Variants in GAS2 observed in about 807,000 individuals in gnomAD.
GAS2 encodes the protein growth arrest specific 2.
In GAS2, 20 loss-of-function variants were observed where a neutral mutation model predicts 37.5. That is an observed-to-expected ratio of 0.53 (90% confidence interval 0.37 to 0.77). GAS2 has a LOEUF of 0.77. Among genes scored for constraint, GAS2 ranks in the 30% least tolerant of loss-of-function variants. The pLI, the probability that GAS2 is intolerant of heterozygous loss-of-function variation, is 0.00. For synonymous variants in GAS2, 144 were observed against 132.2 expected, an observed-to-expected ratio of 1.09 and a Z score of -0.61; for missense variants, 336 against 373.4, an observed-to-expected ratio of 0.90 and a Z score of 0.82.
intron 7 of GAS2, among the ~76,000 whole-genome samples, chr11:22,760,361 T>C (rs1265942133): frequency 1.3e-5 from 2 of 152,156 alleles, no homozygotes; most frequent in Non-Finnish European, 2.9e-5. Context: ...TGCAAATTCT[T>C]GGGGCTTCCC....
Position 22,789,268 on chromosome 11 carries a change from T to G in GAS2, c.724-22530T>G, listed in dbSNP as rs548948238. Among the ~76,000 whole-genome samples the G allele has an allele frequency of 5.1e-5, 7 of 138,432 alleles. No homozygotes were observed. In the East Asian group the frequency reaches 1.4e-3, roughly 29 times the overall value. 90.8% of individuals were successfully genotyped at this position (138,432 alleles called of 152,430 possible). ...GAAAAAGTTCAATTTCCTGGGGCAG[T>G]ATGCCTAGATTTCATATATATATAT... On this transcript the variant is annotated intron_variant, in intron 7 of 7. Transcript: ENST00000454584.
At chr11:22,772,355 G>T (rs1024463901) in intron 7 of GAS2, among the ~76,000 whole-genome samples, 4 of 152,114 alleles carry the variant, frequency 2.6e-5, no homozygotes, top group African/African-American at 9.7e-5. Context: ...CAAATAATAT[G>T]AGTACCTCTG....
chr11:22,686,109 G>A (rs1006106234), intron 3 of GAS2, among the ~76,000 whole-genome samples: 8 of 152,264 alleles, frequency 5.3e-5, no homozygotes, highest in Admixed American at 2.6e-4. Context: ...ATTAGGCAAT[G>A]CACAGATCTA....
At chr11:22,718,134 G>T (rs1254413697) in intron 3 of GAS2, among the ~76,000 whole-genome samples, 1 of 151,992 alleles carries the variant, frequency 6.6e-6, no homozygotes, top group African/African-American at 2.4e-5. Flanking sequence ...CTACCCAGAA[G>T]AAAATAAGTC....
intron 3 of GAS2, among the ~76,000 whole-genome samples, chr11:22,692,997 T>C (rs933578440): frequency 2.0e-5 from 3 of 152,134 alleles, no homozygotes; most frequent in Admixed American, 6.6e-5. Flanking sequence ...GCAGAACCCC[T>C]TTCTGCATTT....
chr11:22,782,013 A>G (rs1855578109), intron 7 of GAS2, among the ~76,000 whole-genome samples: 1 of 152,182 alleles, frequency 6.6e-6, no homozygotes, highest in Admixed American at 6.5e-5. Context: ...TATGTTTTTT[A>G]TTAGTTAAAA....
chr11:22,773,666 A>C (rs761276276), intron 7 of GAS2, among the ~76,000 whole-genome samples: 4 of 152,028 alleles, frequency 2.6e-5, no homozygotes, highest in Non-Finnish European at 5.9e-5. Context: ...GCAGGGCTGG[A>C]ATTGGCACTC....
intron 7 of GAS2, among the ~76,000 whole-genome samples, chr11:22,757,721 AT>A (rs556563586): frequency 3.0e-4 from 46 of 152,180 alleles, no homozygotes; most frequent in Non-Finnish European, 5.6e-4. Context: ...TAAAAACTTA[AT>A]TTTTAGCAAA....
intron 4 of GAS2, chr11:22,731,443 G>T: frequency 2.9e-6 from 1 of 349,502 alleles, no homozygotes; most frequent in South Asian, 2.3e-5. Context: ...ATTTGTTTGA[G>T]TATAACTTTT....
At chr11:22,806,599 T>G (rs1856901622) in intron 7 of GAS2, among the ~76,000 whole-genome samples, 1 of 152,224 alleles carries the variant, frequency 6.6e-6, no homozygotes, top group African/African-American at 2.4e-5. Flanking sequence ...TTCTCCACAT[T>G]CTTGCCAACA....
intron 3 of GAS2, among the ~76,000 whole-genome samples, chr11:22,724,735 A>G (rs1053616013): frequency 1.3e-5 from 2 of 152,078 alleles, no homozygotes; most frequent in Non-Finnish European, 2.9e-5. Context: ...TATCTATCCT[A>G]AATCAAATTC....
chr11:22,649,173 A>C (rs1848740829), intron 1 of GAS2, among the ~76,000 whole-genome samples: 1 of 151,250 alleles, frequency 6.6e-6, no homozygotes, highest in Middle Eastern at 3.2e-3. Context: ...TATTGAGATA[A>C]TCATGTGGTT....
At chr11:22,687,687 A>G (rs568365366) in intron 3 of GAS2, among the ~76,000 whole-genome samples, 2 of 152,148 alleles carry the variant, frequency 1.3e-5, no homozygotes, top group Non-Finnish European at 2.9e-5. Context: ...TAGGGCACCA[A>G]TTTTTCTTCT....
At chr11:22,641,051 T>G (rs1590559293) in intron 1 of GAS2, among the ~76,000 whole-genome samples, 1 of 151,490 alleles carries the variant, frequency 6.6e-6, no homozygotes, top group East Asian at 1.9e-4. Flanking sequence ...CTTTACTGAC[T>G]GTTTGAGGCC....
rs759705654 is a variant in GAS2, at chr11:22,755,852, C to T, written c.622C>T (p.Arg208Ter). ...TGNLLDDAVK[R>*]ISEDPPCKCP... is the part of the protein sequence containing the mutation. ...GCCTGCTCTTCTATTTCAGGTGAAA[C>T]GAATTTCTGAAGATCCTCCTTGCAA... The change falls in exon 7 of 8, where the codon CGA becomes TGA. Residue 208 changes from arginine to a stop codon, truncating the protein, a stop_gained. Coordinates refer to ENST00000454584, the MANE Select transcript of GAS2 (RefSeq NM_001143830.3). LOFTEE classifies it high-confidence loss of function. 1.2e-6 allele frequency: 2 copies of T among 1,611,920 alleles called. No homozygotes were observed. Among genetic ancestry groups the T allele is most frequent in the South Asian group, 1.1e-5 (1 of 90,928 alleles).
chr11:22,798,800 A>G (rs1417071794), intron 7 of GAS2, among the ~76,000 whole-genome samples: 1 of 152,002 alleles, frequency 6.6e-6, no homozygotes, highest in South Asian at 2.1e-4. Flanking sequence ...GCTAGAATCA[A>G]GCTTTCAACA....
At chr11:22,675,213 A>G (rs1849368887) in intron 2 of GAS2, among the ~76,000 whole-genome samples, 199 bp downstream of exon 2, 1 of 152,256 alleles carries the variant, frequency 6.6e-6, no homozygotes, top group Non-Finnish European at 1.5e-5. Context: ...AACTGTGCTT[A>G]GTAATTCCAA....
chr11:22,789,999 A>C (rs1856063959), intron 7 of GAS2, among the ~76,000 whole-genome samples: 1 of 152,190 alleles, frequency 6.6e-6, no homozygotes. Context: ...GAAAGAGACA[A>C]CATATTTGGT....
chr11:22,632,864 A>G (rs1007589537), intron 1 of GAS2, among the ~76,000 whole-genome samples: 6 of 150,950 alleles, frequency 4.0e-5, no homozygotes, highest in Admixed American at 3.3e-4. Context: ...TTTTCCCTGC[A>G]TTTCGTAATT....
Sources: allele counts gnomAD v4.1 joint callset (sites outside exome capture counted in the v4.1 genomes callset), GRCh38; gene constraint gnomAD v4.1.1; transcripts MANE v1.5; gene names NCBI Gene and HGNC (gene_info 2026-07-23, HGNC 2026-07-21).